Variants in ZNF469 observed in about 807,000 individuals in gnomAD.
The protein encoded by ZNF469 is zinc finger protein 469.
A neutral mutation model predicts 1.0 loss-of-function variants in ZNF469; 1 was observed. That is an observed-to-expected ratio of 1.00 (90% CI 0.35 to 4.73). ZNF469 has a LOEUF of 4.73. Among genes scored for constraint, ZNF469 ranks in the 30% most tolerant of loss-of-function variants. The pLI is 0.16. For synonymous variants in ZNF469, 2,703 were observed against 2,363.4 expected, an observed-to-expected ratio of 1.14 and a Z score of -4.17; for missense variants, 6,100 against 5,356.3, an observed-to-expected ratio of 1.14 and a Z score of -4.33.
chr16:88,228,253 C>G, the ZNF469 span, among the ~76,000 whole-genome samples: 2 of 152,264 alleles, frequency 1.3e-5, no homozygotes, highest in Non-Finnish European at 2.9e-5. Flanking sequence ...TTGGTGCTGC[C>G]TGCCGGCTTC....
chr16:88,245,700 C>T, the ZNF469 span, among the ~76,000 whole-genome samples: 1 of 152,278 alleles, frequency 6.6e-6, no homozygotes, highest in Non-Finnish European at 1.5e-5. Context: ...AGTCAAGACT[C>T]CCCGGCCTAT....
At chr16:88,411,878 A>C (rs1055385063) in intron 1 of ZNF469, among the ~76,000 whole-genome samples, 1 of 152,062 alleles carries the variant, frequency 6.6e-6, no homozygotes, top group African/African-American at 2.4e-5. Context: ...GCCCTTCAGC[A>C]TTCTGGGGGC....
At chr16:88,400,124 C>T (rs988457836) in intron 1 of ZNF469, among the ~76,000 whole-genome samples, 2 of 152,234 alleles carry the variant, frequency 1.3e-5, no homozygotes, top group African/African-American at 4.8e-5. Context: ...TGCCATCATG[C>T]CATCACTGGG....
the ZNF469 span, among the ~76,000 whole-genome samples, chr16:88,312,815 T>C: frequency 6.6e-6 from 1 of 152,360 alleles, no homozygotes; most frequent in African/African-American, 2.4e-5. Flanking sequence ...CCCATCTTCA[T>C]ACCAGCCCCA....
chr16:88,162,389 A>G, the ZNF469 span, among the ~76,000 whole-genome samples: 6 of 150,342 alleles, frequency 4.0e-5, no homozygotes, highest in South Asian at 2.1e-4. Flanking sequence ...AACCACATCA[A>G]TGACATAGTG....
At chr16:88,279,962 G>A in the ZNF469 span, among the ~76,000 whole-genome samples, 7 of 151,412 alleles carry the variant, frequency 4.6e-5, no homozygotes, top group East Asian at 1.4e-3. Flanking sequence ...GCGCCACGCT[G>A]ACACTCGGTC....
chr16:88,184,795 G>A, the ZNF469 span, among the ~76,000 whole-genome samples: 10 of 152,188 alleles, frequency 6.6e-5, no homozygotes, highest in Non-Finnish European at 1.3e-4. Context: ...ACCTCGTCAC[G>A]CTGCAAGTGC....
Position 88,436,904 on chromosome 16 carries a change from G to C in ZNF469, c.9434G>C (p.Cys3145Ser). 6.7e-7 allele frequency: 1 copy of C among 1,502,094 alleles called. No homozygotes were observed. Among genetic ancestry groups the C allele is most frequent in the Non-Finnish European group, 8.9e-7 (1 of 1,127,676 alleles). 93.0% of individuals were successfully genotyped at this position (1,502,094 alleles called of 1,614,324 possible). ...CACACGCCCGCGCCGCCGCCCACCT[G>C]CTACATGTGCGTGGAGCGCAGGTTT... ...LAHTPAPPPT[C>S]YMCVERRFGS... Residue 3145 changes from cysteine (C) to serine (S), a missense_variant, in exon 3 of 3, where the codon TGC (cysteine) becomes TCC (serine). Physicochemically the swap from Cys to Ser is moderately radical, Grantham distance 112. Coordinates refer to ENST00000565624, the MANE Select transcript of ZNF469 (RefSeq NM_001367624.2).
At chr16:88,391,003 G>A (rs774113456) in intron 1 of ZNF469, among the ~76,000 whole-genome samples, 5 of 152,226 alleles carry the variant, frequency 3.3e-5, no homozygotes, top group Non-Finnish European at 7.3e-5. Context: ...TGAATGGCCC[G>A]CGTCATTCTC....
At chr16:88,109,442 G>A in the ZNF469 span, among the ~76,000 whole-genome samples, 3 of 152,272 alleles carry the variant, frequency 2.0e-5, no homozygotes, top group Non-Finnish European at 2.9e-5. Context: ...CCGATGTCAC[G>A]TGGATCAGGC....
intron 1 of ZNF469, among the ~76,000 whole-genome samples, chr16:88,396,709 A>G (rs112447430): frequency 0.039 from 1,489 of 38,208 alleles, no homozygotes; most frequent in Middle Eastern, 0.13. Flanking sequence ...GCCAGATGGA[A>G]ACCCTCCTGA....
the ZNF469 span, among the ~76,000 whole-genome samples, chr16:88,222,413 C>T: frequency 3.3e-5 from 5 of 152,262 alleles, no homozygotes; most frequent in Non-Finnish European, 7.3e-5. Flanking sequence ...CTCAGCCTCC[C>T]GAGTAGCTGG....
intron 1 of ZNF469, among the ~76,000 whole-genome samples, chr16:88,405,484 C>T (rs1905002216): frequency 6.6e-6 from 1 of 152,138 alleles, no homozygotes; most frequent in Non-Finnish European, 1.5e-5. Context: ...GCCCTGTGGC[C>T]CACCTGCCTC....
the ZNF469 span, among the ~76,000 whole-genome samples, chr16:88,211,173 T>C: frequency 6.6e-6 from 1 of 152,282 alleles, no homozygotes; most frequent in African/African-American, 2.4e-5. Context: ...GCTTTTGTAA[T>C]GGAGGTTTTC....
At chr16:88,132,332 C>T in the ZNF469 span, among the ~76,000 whole-genome samples, 7 of 152,258 alleles carry the variant, frequency 4.6e-5, no homozygotes, top group Non-Finnish European at 1.5e-5. Flanking sequence ...TTCGGCTCCC[C>T]GCGGTGACTG....
the ZNF469 span, among the ~76,000 whole-genome samples, chr16:88,223,993 C>T: frequency 6.6e-6 from 1 of 152,290 alleles, no homozygotes; most frequent in Non-Finnish European, 1.5e-5. Context: ...GTTTTCCATT[C>T]GCCCAGTCAT....
the ZNF469 span, among the ~76,000 whole-genome samples, chr16:88,103,305 C>T: frequency 1.3e-5 from 2 of 152,264 alleles, no homozygotes; most frequent in African/African-American, 2.4e-5. Context: ...CAGCAGTCCA[C>T]GGGCCATGAG....
At chr16:88,276,727 G>A in the ZNF469 span, among the ~76,000 whole-genome samples, 1 of 152,096 alleles carries the variant, frequency 6.6e-6, no homozygotes, top group Non-Finnish European at 1.5e-5. Context: ...GCTGCACCAC[G>A]CTGACACTCA....
chr16:88,105,487 T>G, the ZNF469 span, among the ~76,000 whole-genome samples: 1 of 152,026 alleles, frequency 6.6e-6, no homozygotes, highest in Admixed American at 6.5e-5. Context: ...GTATTTTTAG[T>G]AGAGATGGAG....
Sources: gnomAD v4.1 joint callset for allele counts (sites outside exome capture counted in the v4.1 genomes callset) on GRCh38, gnomAD v4.1.1 for gene constraint, MANE v1.5 for transcripts, NCBI Gene and HGNC (gene_info 2026-07-23, HGNC 2026-07-21) for gene names.